The following AK5 variants were observed in gnomAD, a reference collection of about 807,000 sequenced individuals.
AK5 encodes the protein adenylate kinase 5.
Under a neutral mutation model 69.5 loss-of-function variants are expected in AK5, and 27 were observed. The ratio of observed to expected loss-of-function variants is 0.39; its 90% CI spans 0.29 to 0.54. The LOEUF is 0.54. Ranked by LOEUF, AK5 falls within the 20% of genes least tolerant of loss-of-function variation. The pLI, the probability that AK5 is intolerant of heterozygous loss-of-function variation, is 0.71. For synonymous variants in AK5, 260 were observed against 244.4 expected (o/e 1.06, Z -0.60); for missense variants, 531 against 700.4 (o/e 0.76, Z 2.73).
intron 8 of AK5, among the ~76,000 whole-genome samples, chr1:77,450,993 T>C (rs1181261565): frequency 6.6e-6 from 1 of 152,068 alleles, no homozygotes; most frequent in Non-Finnish European, 1.5e-5. Context: ...CTGGGCAACA[T>C]AGTGAGCCCT....
At chr1:77,382,966 A>G (rs552527184) in intron 6 of AK5, among the ~76,000 whole-genome samples, 1 of 152,196 alleles carries the variant, frequency 6.6e-6, no homozygotes. Context: ...AAATAAAAGA[A>G]ATACAAAGAG....
chr1:77,346,304 A>G (rs950286387), intron 6 of AK5: 1 of 152,210 alleles, frequency 6.6e-6, no homozygotes, highest in African/African-American at 2.4e-5. Context: ...AGTAAAAGTT[A>G]ATTTAGAGAG....
chr1:77,435,107 G>A (rs557662964), intron 8 of AK5, among the ~76,000 whole-genome samples: 10 of 152,130 alleles, frequency 6.6e-5, no homozygotes, highest in African/African-American at 1.2e-4. Context: ...AGGAGCTGAC[G>A]AAAAAGTTGA....
intron 5 of AK5, among the ~76,000 whole-genome samples, chr1:77,318,628 G>A (rs1380598242): frequency 6.6e-6 from 1 of 151,966 alleles, no homozygotes. Context: ...TGAACAATCC[G>A]ATTTGAGCAG....
At chr1:77,367,550 GTTATTTTT>G (rs1557532366) in intron 6 of AK5, among the ~76,000 whole-genome samples, 18 of 7,724 alleles carry the variant, frequency 2.3e-3, no homozygotes, top group Non-Finnish European at 6.7e-3. Context: ...ACTCATTTAT[GTTATTTTT>G]ATATATATAT....
In AK5 at chr1:77,441,380, TC is replaced by T. The variant is rs1209344858; in HGVS notation, c.1059+23668del. On this transcript the variant is annotated intron_variant, in intron 8 of 13. Coordinates refer to ENST00000354567, the MANE Select transcript of AK5 (RefSeq NM_174858.3). ...TCCATGCTCTTTTATGTTTTATGTGTCCCTGCATTCATGTCTGTGCATTTAG... is the reference window on the plus strand; with the variant it reads ...TCCATGCTCTTTTATGTTTTATGTGTCCTGCATTCATGTCTGTGCATTTAG... 1.0e-3 allele frequency among the ~76,000 whole-genome samples: 158 copies of T among 152,314 alleles called. 1 individual carries two copies. The highest frequency in any genetic ancestry group is 7.3e-5 in the Non-Finnish European group (5 of 68,038).
rs1240056553 is a variant in AK5, at chr1:77,282,289, GC to G, written c.-21del. 1 of 1,541,882 alleles carries G rather than the reference GC, an allele frequency of 6.5e-7. No homozygotes were observed. Among genetic ancestry groups the G allele is most frequent in the Non-Finnish European group, 8.7e-7 (1 of 1,143,078 alleles). ...GCAGCCCGGGAGCCTCCCCGCTTGCGCCCCAAGGCACGCGCGGCACAGCCAT... is the reference window on the plus strand; with the variant it reads ...GCAGCCCGGGAGCCTCCCCGCTTGCGCCCAAGGCACGCGCGGCACAGCCAT... On this transcript the variant is annotated 5_prime_UTR_variant, in exon 1 of 14. Coordinates refer to ENST00000354567, the MANE Select transcript of AK5 (RefSeq NM_174858.3).
At chr1:77,464,460 A>G (rs1020217540) in intron 8 of AK5, among the ~76,000 whole-genome samples, 3 of 152,178 alleles carry the variant, frequency 2.0e-5, no homozygotes, top group East Asian at 1.9e-4. Flanking sequence ...CACATTGGAG[A>G]GGAGATTGGT....
At chr1:77,283,666 T>G in intron 1 of AK5, 1 of 959,524 alleles carries the variant, frequency 1.0e-6, no homozygotes, top group Non-Finnish European at 1.2e-6. Context: ...CTAGCAAATG[T>G]GTTACTCCTG....
At chr1:77,421,012 A>G (rs937181321) in intron 8 of AK5, among the ~76,000 whole-genome samples, 1 of 152,248 alleles carries the variant, frequency 6.6e-6, no homozygotes, top group African/African-American at 2.4e-5. Flanking sequence ...TTCAAATTCC[A>G]TATAATTTTC....
intron 8 of AK5, among the ~76,000 whole-genome samples, chr1:77,474,653 C>T (rs1654732157): frequency 6.6e-6 from 1 of 152,152 alleles, no homozygotes; most frequent in Admixed American, 6.5e-5. Flanking sequence ...TTGTCAGTCC[C>T]TTAAGCTCTC....
chr1:77,521,724 C>T (rs1284117531), intron 11 of AK5, 103 bp from the exon 12 acceptor site: 1 of 800,274 alleles, frequency 1.2e-6, no homozygotes, highest in Non-Finnish European at 2.1e-6. Flanking sequence ...TTAACCTTAC[C>T]TGAACCTTCC....
intron 6 of AK5, among the ~76,000 whole-genome samples, chr1:77,379,629 C>T (rs1223176604): frequency 6.6e-6 from 1 of 152,170 alleles, no homozygotes; most frequent in Non-Finnish European, 1.5e-5. Context: ...ACTTTCTTAA[C>T]ATCTTAGGTA....
At chr1:77,441,939 A>G (rs1311107495) in intron 8 of AK5, among the ~76,000 whole-genome samples, 1 of 152,136 alleles carries the variant, frequency 6.6e-6, no homozygotes, top group Non-Finnish European at 1.5e-5. Context: ...GGTACCCCCT[A>G]GCAGCTTGGG....
At chr1:77,297,751 T>C in intron 4 of AK5, 23 bp downstream of exon 4, 2 of 1,606,486 alleles carry the variant, frequency 1.2e-6, no homozygotes, top group Non-Finnish European at 1.7e-6. Context: ...AATTATCTTT[T>C]ATTCTGCAAA....
chr1:77,366,985 C>T (rs1053095110), intron 6 of AK5, among the ~76,000 whole-genome samples: 8 of 152,222 alleles, frequency 5.3e-5, no homozygotes, highest in Admixed American at 4.6e-4. Context: ...ATAGTATCAT[C>T]TTCACTTCAG....
chr1:77,532,142 C>A (rs927385768), intron 12 of AK5: 18 of 155,390 alleles, frequency 1.2e-4, no homozygotes, highest in Non-Finnish European at 2.0e-4. Context: ...AAGCCGGCTC[C>A]GGCCTTGGGC....
At chr1:77,414,721 T>G (rs1650277513) in intron 7 of AK5, among the ~76,000 whole-genome samples, 1 of 152,236 alleles carries the variant, frequency 6.6e-6, no homozygotes, top group Non-Finnish European at 1.5e-5. Context: ...AAATGAAAGC[T>G]ACACTATCAC....
chr1:77,413,200 T>C (rs1650165786), intron 7 of AK5, among the ~76,000 whole-genome samples: 1 of 152,096 alleles, frequency 6.6e-6, no homozygotes, highest in South Asian at 2.1e-4. Flanking sequence ...TTCCCCCAGT[T>C]CTCTGAATAC....
Sources: allele counts gnomAD v4.1 joint callset (sites outside exome capture counted in the v4.1 genomes callset), GRCh38; gene constraint gnomAD v4.1.1; transcripts MANE v1.5; gene names NCBI Gene and HGNC (gene_info 2026-07-23, HGNC 2026-07-21).